Variants in SPDYE10 observed in about 807,000 individuals in gnomAD.
SPDYE10 encodes speedy/RINGO cell cycle regulator family member E10.
At chr7:73,141,069 A>ACC in the SPDYE10 span, among the ~76,000 whole-genome samples, 3 of 98,822 alleles carry the variant, frequency 3.0e-5, no homozygotes, top group Non-Finnish European at 4.3e-5. Flanking sequence ...CTCCATTTCT[A>ACC]CCACACACAC....
chr7:73,137,615 AAAG>A, the SPDYE10 span, among the ~76,000 whole-genome samples: 1 of 143,202 alleles, frequency 7.0e-6, no homozygotes, highest in Non-Finnish European at 1.5e-5. Context: ...AGAAAGAAAG[AAAG>A]AAAGAAAGAA....
the SPDYE10 span, among the ~76,000 whole-genome samples, chr7:73,143,261 T>C: frequency 6.6e-6 from 1 of 152,130 alleles, no homozygotes; most frequent in Non-Finnish European, 1.5e-5. Context: ...GGCTGGGTGA[T>C]TTATAAAGAA....
chr7:73,135,097 GTTCC>G, the SPDYE10 span, among the ~76,000 whole-genome samples: 3 of 152,404 alleles, frequency 2.0e-5, no homozygotes, highest in South Asian at 6.2e-4. Context: ...ACTCATAGGT[GTTCC>G]TTCACCACCT....
At chr7:73,129,871 CAG>C in the SPDYE10 span, among the ~76,000 whole-genome samples, 1 of 152,092 alleles carries the variant, frequency 6.6e-6, no homozygotes, top group Admixed American at 6.5e-5. Flanking sequence ...GTTGTTGAGA[CAG>C]AGTCTTCCTC....
the SPDYE10 span, among the ~76,000 whole-genome samples, chr7:73,142,482 G>A: frequency 3.3e-5 from 5 of 152,020 alleles, no homozygotes; most frequent in African/African-American, 2.4e-5. Context: ...CCCAAAGTGC[G>A]GAGATTACAG....
chr7:73,137,698 A>C, the SPDYE10 span, among the ~76,000 whole-genome samples: 1 of 37,608 alleles, frequency 2.7e-5, no homozygotes, highest in Non-Finnish European at 5.3e-5. Flanking sequence ...GGAGAGGGGA[A>C]GGGAAAGGGA....
the SPDYE10 span, among the ~76,000 whole-genome samples, chr7:73,142,512 C>T: frequency 3.9e-4 from 59 of 152,170 alleles, no homozygotes; most frequent in East Asian, 1.3e-3. Context: ...ATATAGTACC[C>T]GGCCAAAAAG....
the SPDYE10 span, among the ~76,000 whole-genome samples, chr7:73,130,420 T>C: frequency 3.3e-5 from 5 of 152,240 alleles, no homozygotes; most frequent in South Asian, 6.2e-4. Flanking sequence ...TAAAATTCTT[T>C]AATTTTTTCA....
chr7:73,114,490 TG>T, the SPDYE10 span, among the ~76,000 whole-genome samples: 321 of 150,790 alleles, frequency 2.1e-3, no homozygotes, highest in African/African-American at 7.4e-3. Context: ...CTGATCTTTT[TG>T]CAAGTGTAAA....
chr7:73,131,128 G>T, the SPDYE10 span, among the ~76,000 whole-genome samples: 6 of 120,220 alleles, frequency 5.0e-5, no homozygotes, highest in Non-Finnish European at 9.9e-5. Context: ...GAACCCAGGA[G>T]TTAAGAGGCT....
the SPDYE10 span, among the ~76,000 whole-genome samples, chr7:73,142,326 AAT>A: frequency 7.9e-6 from 1 of 127,262 alleles, no homozygotes; most frequent in African/African-American, 3.4e-5. Context: ...TCTGGGTATT[AAT>A]GTCTTACAAT....
chr7:73,114,536 T>G, the SPDYE10 span, among the ~76,000 whole-genome samples: 2 of 148,058 alleles, frequency 1.4e-5, no homozygotes, highest in Non-Finnish European at 3.0e-5. Flanking sequence ...TAAGCCCTAT[T>G]TTTTTTTTTT....
Sources: allele counts gnomAD v4.1 joint callset (sites outside exome capture counted in the v4.1 genomes callset), GRCh38; gene constraint gnomAD v4.1.1; transcripts MANE v1.5; gene names NCBI Gene and HGNC (gene_info 2026-07-23, HGNC 2026-07-21).